KCTD8: variants seen among roughly 807,000 people sequenced by gnomAD.
The protein encoded by KCTD8 is BTB/POZ domain-containing protein KCTD8.
A neutral mutation model predicts 31.5 loss-of-function variants in KCTD8; 27 were observed. That is an observed-to-expected ratio of 0.86 (90% confidence interval 0.63 to 1.18). The LOEUF is 1.18. Ranked by LOEUF, KCTD8 falls within the 50% of genes most tolerant of loss-of-function variation. The pLI is 0.00. For synonymous variants in KCTD8, 290 were observed against 280.0 expected, an observed-to-expected ratio of 1.04 and a Z score of -0.36; for missense variants, 658 against 647.7, an observed-to-expected ratio of 1.02 and a Z score of -0.17.
intron 1 of KCTD8, among the ~76,000 whole-genome samples, chr4:44,397,786 A>G (rs914595625): frequency 3.9e-5 from 6 of 152,220 alleles, no homozygotes; most frequent in African/African-American, 1.4e-4. Context: ...AAACTAAAAT[A>G]CACTGGCAAA....
At chr4:44,390,622 CT>C (rs1209507603) in intron 1 of KCTD8, among the ~76,000 whole-genome samples, 2 of 151,898 alleles carry the variant, frequency 1.3e-5, no homozygotes, top group African/African-American at 4.8e-5. Context: ...TATGCAGGCT[CT>C]TTTTTTGGTT....
chr4:44,203,805 A>G lies in KCTD8; in HGVS notation c.962-28555T>C, dbSNP rs531568742. Among the ~76,000 whole-genome samples the G allele has an allele frequency of 1.3e-4, 20 of 151,916 alleles. 1 individual carries two copies. In the South Asian group the frequency reaches 2.9e-3, roughly 22 times the overall value. ...TTAAAATGAGAACGATATAATATTA[A>G]TAAGTTTACATAAATAAATTTCAAA... On this transcript the variant is annotated intron_variant, in intron 1 of 1. Transcript: ENST00000360029.
intron 1 of KCTD8, among the ~76,000 whole-genome samples, chr4:44,261,889 A>G (rs1716192867): frequency 6.6e-6 from 1 of 152,086 alleles, no homozygotes. Context: ...AAATAATCAC[A>G]TTGTACATCT....
chr4:44,340,357 G>C (rs1320012111), intron 1 of KCTD8, among the ~76,000 whole-genome samples: 1 of 151,306 alleles, frequency 6.6e-6, no homozygotes, highest in Non-Finnish European at 1.5e-5. Flanking sequence ...GGAATGCAGT[G>C]GAGCGATCTT....
chr4:44,349,051 GCAC>G (rs1207886349), intron 1 of KCTD8, among the ~76,000 whole-genome samples: 1 of 149,838 alleles, frequency 6.7e-6, no homozygotes, highest in African/African-American at 2.5e-5. Context: ...ATGCTTAGTA[GCAC>G]CACCATCGCT....
chr4:44,210,134 C>A, intron 1 of KCTD8, among the ~76,000 whole-genome samples: 1 of 152,178 alleles, frequency 6.6e-6, no homozygotes, highest in East Asian at 1.9e-4. Flanking sequence ...AAATATTCAA[C>A]AGTTAACCAT....
intron 1 of KCTD8, among the ~76,000 whole-genome samples, chr4:44,416,443 C>A (rs1191249902): frequency 6.6e-6 from 1 of 152,126 alleles, no homozygotes; most frequent in Non-Finnish European, 1.5e-5. Flanking sequence ...AGAGGAATTA[C>A]ATGGTTTGGA....
At chr4:44,371,059 C>A (rs1253770012) in intron 1 of KCTD8, among the ~76,000 whole-genome samples, 1 of 151,808 alleles carries the variant, frequency 6.6e-6, no homozygotes, top group African/African-American at 2.4e-5. Flanking sequence ...ACCAGGGAGG[C>A]CAATGGTGTA....
chr4:44,199,386 A>C (rs1714061539), intron 1 of KCTD8, among the ~76,000 whole-genome samples: 1 of 152,128 alleles, frequency 6.6e-6, no homozygotes, highest in Non-Finnish European at 1.5e-5. Flanking sequence ...GTATTCAAAA[A>C]TCAACCACAT....
At chr4:44,337,070 A>G (rs1179263218) in intron 1 of KCTD8, among the ~76,000 whole-genome samples, 1 of 152,192 alleles carries the variant, frequency 6.6e-6, no homozygotes, top group East Asian at 1.9e-4. Context: ...ATAAAAGAAG[A>G]TAGAAACACA....
intron 1 of KCTD8, among the ~76,000 whole-genome samples, chr4:44,196,701 G>C (rs555543335): frequency 6.6e-6 from 1 of 152,150 alleles, no homozygotes. Context: ...GAAAGGGTGA[G>C]AGAGGAAGAG....
At chr4:44,417,366 G>T (rs371694372) in intron 1 of KCTD8, among the ~76,000 whole-genome samples, 26 of 151,996 alleles carry the variant, frequency 1.7e-4, no homozygotes, top group South Asian at 8.3e-4. Context: ...GATACTACTC[G>T]CTAGGAGACC....
At chr4:44,291,707 C>T (rs528065142) in intron 1 of KCTD8, among the ~76,000 whole-genome samples, 30 of 151,862 alleles carry the variant, frequency 2.0e-4, no homozygotes, top group Middle Eastern at 3.4e-3. Flanking sequence ...ATGGGTGAAA[C>T]AATTCACAAA....
intron 1 of KCTD8, among the ~76,000 whole-genome samples, chr4:44,284,387 A>C (rs1577593169): frequency 6.6e-6 from 1 of 152,240 alleles, no homozygotes; most frequent in Non-Finnish European, 1.5e-5. Flanking sequence ...TTCCCTATTT[A>C]ATAAATGGTG....
At chr4:44,266,061 C>T (rs1260516831) in intron 1 of KCTD8, among the ~76,000 whole-genome samples, 9 of 152,050 alleles carry the variant, frequency 5.9e-5, no homozygotes, top group Admixed American at 3.3e-4. Context: ...AGATACTCCT[C>T]GAGAAGAGCA....
intron 1 of KCTD8, among the ~76,000 whole-genome samples, chr4:44,265,034 A>G (rs899256704): frequency 2.6e-5 from 4 of 152,120 alleles, no homozygotes; most frequent in Non-Finnish European, 4.4e-5. Flanking sequence ...CTTTGAAGAG[A>G]GCAGTGGTTC....
intron 1 of KCTD8, among the ~76,000 whole-genome samples, chr4:44,439,636 T>C (rs1721766699): frequency 6.6e-6 from 1 of 152,104 alleles, no homozygotes; most frequent in Non-Finnish European, 1.5e-5. Context: ...TTTTAAAAAA[T>C]GAATCAAGAT....
intron 1 of KCTD8, among the ~76,000 whole-genome samples, chr4:44,232,911 G>A (rs1444739262): frequency 6.6e-6 from 1 of 151,936 alleles, no homozygotes; most frequent in African/African-American, 2.4e-5. Context: ...GTAGAAAATT[G>A]TTGTCTTTGA....
At chr4:44,189,664 A>G (rs2109334202) in intron 1 of KCTD8, among the ~76,000 whole-genome samples, 1 of 151,780 alleles carries the variant, frequency 6.6e-6, no homozygotes, top group South Asian at 2.1e-4. Context: ...CACACACACA[A>G]TCACAGAACT....
Sources: gnomAD v4.1 joint callset for allele counts (sites outside exome capture counted in the v4.1 genomes callset) on GRCh38, gnomAD v4.1.1 for gene constraint, MANE v1.5 for transcripts, NCBI Gene and HGNC (gene_info 2026-07-23, HGNC 2026-07-21) for gene names.